Variants in DOCK3 observed in about 807,000 individuals in gnomAD.
DOCK3 encodes the protein dedicator of cytokinesis protein 3.
DOCK3 carries 60 observed loss-of-function variants against 265.6 expected under a neutral mutation model. The observed-to-expected ratio is 0.23, with a 90% CI of 0.18 to 0.28. DOCK3 has a LOEUF of 0.28. Ranked by LOEUF, DOCK3 falls within the 10% of genes least tolerant of loss-of-function variation. DOCK3 has a pLI of 1.00. For missense variants in DOCK3, 1,981 were observed against 2,594.3 expected (o/e 0.76, Z 5.14); for synonymous variants, 881 against 938.0 (o/e 0.94, Z 1.11).
At chr3:51,319,346 G>A (rs1386022765) in intron 32 of DOCK3, among the ~76,000 whole-genome samples, 1 of 150,018 alleles carries the variant, frequency 6.7e-6, no homozygotes, top group Non-Finnish European at 1.5e-5. Context: ...TTACTTTTCT[G>A]TATTGTTACA....
Position 50,792,817 on chromosome 3 carries a change from G to T in DOCK3, c.121+14059G>T, listed in dbSNP as rs562477058. On this transcript the variant is annotated intron_variant, in intron 2 of 52. Coordinates refer to ENST00000266037, the MANE Select transcript of DOCK3 (RefSeq NM_004947.5). ...TGGATAAGCTTTTTGATGTGCTGCT[G>T]GATTTGGTTTGCGAATATTTCATTG... is the stretch of plus-strand genomic sequence containing the variant. Among the ~76,000 whole-genome samples the T allele has an allele frequency of 7.2e-5, 11 of 152,276 alleles. No homozygotes were observed. In the South Asian group the frequency reaches 2.3e-3, roughly 32 times the overall value.
chr3:50,810,438 C>G (rs575859959), intron 2 of DOCK3, among the ~76,000 whole-genome samples: 1 of 152,042 alleles, frequency 6.6e-6, no homozygotes, highest in Admixed American at 6.5e-5. Context: ...GTAATCCCGG[C>G]TACTTGGGAG....
At chr3:50,834,543 T>C (rs1206576984) in intron 2 of DOCK3, among the ~76,000 whole-genome samples, 4 of 152,172 alleles carry the variant, frequency 2.6e-5, no homozygotes, top group African/African-American at 9.7e-5. Flanking sequence ...CCCGTATGAT[T>C]TGTATACCAA....
At chr3:50,734,721 G>A (rs1170405078) in intron 1 of DOCK3, among the ~76,000 whole-genome samples, 2 of 149,230 alleles carry the variant, frequency 1.3e-5, no homozygotes, top group Non-Finnish European at 3.0e-5. Flanking sequence ...TCCTGTGTCA[G>A]CCTCCCAAGT....
intron 31 of DOCK3, 87 bp from the exon 32 acceptor site, chr3:51,314,893 G>C: frequency 7.0e-7 from 1 of 1,436,910 alleles, no homozygotes; most frequent in Non-Finnish European, 9.2e-7. Context: ...TTCCAGTATG[G>C]ATTGTAGCAT....
intron 19 of DOCK3, among the ~76,000 whole-genome samples, chr3:51,233,655 C>A (rs1222692614): frequency 1.3e-5 from 2 of 152,192 alleles, no homozygotes; most frequent in African/African-American, 4.8e-5. Context: ...AGGCCTGAGC[C>A]ACCACGCCCA....
intron 5 of DOCK3, among the ~76,000 whole-genome samples, chr3:51,012,539 G>T (rs182968053): frequency 6.6e-6 from 1 of 152,130 alleles, no homozygotes; most frequent in Non-Finnish European, 1.5e-5. Context: ...TCCAGGTGCC[G>T]TGTGTCACAG....
At position 51,225,714 on chromosome 3, in the gene DOCK3, G is replaced by A. The variant is rs1027557243; in HGVS notation, c.1318G>A (p.Val440Ile). ...KGDFERGGKS[V>I]QKNIEVTMYV... ...GGATTTCGAGAGAGGAGGAAAGAGT[G>A]TACAAAAGAATATTGAAGTGACCAT... Residue 440 changes from valine to isoleucine, a missense_variant, in exon 15 of 53, where the codon GTA (valine) becomes ATA (isoleucine). This residue lies in a region of DOCK3 where 19 missense variants were observed against 43.8 expected (regional missense o/e 0.43). Transcript: ENST00000266037. 4.3e-6 allele frequency: 7 copies of A among 1,613,658 alleles called. No individual in the cohort carries two copies. In the Admixed American group the frequency reaches 5.0e-5, roughly 12 times the overall value.
intron 4 of DOCK3, among the ~76,000 whole-genome samples, chr3:50,918,395 A>G (rs541831274): frequency 1.3e-5 from 2 of 152,196 alleles, no homozygotes; most frequent in East Asian, 1.9e-4. Flanking sequence ...GAGTGTTCCT[A>G]TTTCTCCACA....
intron 3 of DOCK3, among the ~76,000 whole-genome samples, chr3:50,853,343 C>T (rs2046428025): frequency 6.6e-6 from 1 of 151,142 alleles, no homozygotes; most frequent in Admixed American, 6.6e-5. Context: ...GATACATGTG[C>T]AGGTTTGTTA....
chr3:51,028,122 C>T (rs930439283), intron 5 of DOCK3, among the ~76,000 whole-genome samples: 2 of 152,046 alleles, frequency 1.3e-5, no homozygotes, highest in African/African-American at 4.8e-5. Context: ...TCGGGCTAGA[C>T]TGGTGGTGAT....
At chr3:50,923,525 CTCTAAAT>C (rs1268676672) in intron 4 of DOCK3, among the ~76,000 whole-genome samples, 1 of 152,126 alleles carries the variant, frequency 6.6e-6, no homozygotes, top group Non-Finnish European at 1.5e-5. Flanking sequence ...TTTTGCTCTT[CTCTAAAT>C]TGTAGATTTT....
At chr3:50,905,330 T>C (rs2107848847) in intron 4 of DOCK3, among the ~76,000 whole-genome samples, 1 of 151,822 alleles carries the variant, frequency 6.6e-6, no homozygotes, top group Non-Finnish European at 1.5e-5. Context: ...GGGACAGCAT[T>C]GAATCTATAA....
At chr3:50,786,649 C>T (rs1576431431) in intron 2 of DOCK3, 1 of 604,788 alleles carries the variant, frequency 1.7e-6, no homozygotes, top group East Asian at 3.4e-5. Context: ...GTTGTCCTTA[C>T]TCTGGCCTTT....
chr3:50,842,104 A>C (rs939346795), intron 3 of DOCK3, among the ~76,000 whole-genome samples: 1 of 152,328 alleles, frequency 6.6e-6, no homozygotes, highest in Non-Finnish European at 1.5e-5. Flanking sequence ...ATATTTCTCT[A>C]ATCATAATTT....
chr3:50,932,364 A>G (rs899472336), intron 4 of DOCK3, among the ~76,000 whole-genome samples: 1 of 151,980 alleles, frequency 6.6e-6, no homozygotes, highest in East Asian at 1.9e-4. Context: ...CTTGATGCTA[A>G]TTTTGTGGAA....
chr3:51,264,639 A>G (rs1347247999), intron 23 of DOCK3, among the ~76,000 whole-genome samples: 1 of 151,966 alleles, frequency 6.6e-6, no homozygotes, highest in Non-Finnish European at 1.5e-5. Flanking sequence ...CATCCTGGCC[A>G]ACACGGTGAA....
At chr3:50,752,351 A>G (rs776937271) in intron 1 of DOCK3, among the ~76,000 whole-genome samples, 3 of 152,066 alleles carry the variant, frequency 2.0e-5, no homozygotes, top group Non-Finnish European at 4.4e-5. Context: ...TCTACTAAAA[A>G]TTAAAAAATA....
intron 12 of DOCK3, among the ~76,000 whole-genome samples, chr3:51,191,120 TCCC>T (rs766269862): frequency 1.1e-4 from 17 of 152,038 alleles, no homozygotes; most frequent in Non-Finnish European, 2.4e-4. Context: ...CTCGAAACTG[TCCC>T]AGGCTATAAA....
Sources: gnomAD v4.1 joint callset for allele counts (sites outside exome capture counted in the v4.1 genomes callset) on GRCh38, gnomAD v4.1.1 for gene constraint, gnomAD v4.1.1 regional missense constraint, MANE v1.5 for transcripts, NCBI Gene and HGNC (gene_info 2026-07-23, HGNC 2026-07-21) for gene names.